ANKRD30BL: variants seen among roughly 807,000 people sequenced by gnomAD.
ANKRD30BL encodes the protein putative ankyrin repeat domain-containing protein 30B-like.
ANKRD30BL carries 20 observed loss-of-function variants against 18.4 expected under a neutral mutation model. That is an observed-to-expected ratio of 1.09 (90% CI 0.77 to 1.58). ANKRD30BL has a LOEUF of 1.58. Among genes scored for constraint, ANKRD30BL ranks in the 40% most tolerant of loss-of-function variants. The probability of loss-of-function intolerance (pLI) is 0.00; values close to 1 mark genes in which losing one functional copy is unlikely to be tolerated. For missense variants in ANKRD30BL, 224 were observed against 268.6 expected (o/e 0.83, Z 1.16); for synonymous variants, 72 against 100.9 (o/e 0.71, Z 1.72).
At position 132,222,763 on chromosome 2, in the gene ANKRD30BL, C is replaced by T. The variant is rs1314742753; in HGVS notation, n.441+34766G>A. On this transcript the variant is annotated intron_variant and non_coding_transcript_variant, in intron 1 of 4. Coordinates refer to the ANKRD30BL transcript ENST00000470729. ...CTTTGTTCACTTGTTTATCTGCTGACCTTCCCTCCACTATTGTCCTATGAC... is the reference window on the plus strand; with the variant it reads ...CTTTGTTCACTTGTTTATCTGCTGATCTTCCCTCCACTATTGTCCTATGAC... Among the ~76,000 whole-genome samples, 5 of 147,068 alleles carry T rather than the reference C, an allele frequency of 3.4e-5. No individual in the cohort carries two copies. In the East Asian group the frequency reaches 6.2e-4, roughly 18 times the overall value.
chr2:132,244,871 T>C (rs936750584), intron 1 of ANKRD30BL, among the ~76,000 whole-genome samples: 1 of 152,294 alleles, frequency 6.6e-6, no homozygotes, highest in Admixed American at 6.5e-5. Context: ...ACTCTTTTTG[T>C]AGTATCTGCA....
intron 1 of ANKRD30BL, among the ~76,000 whole-genome samples, chr2:132,256,699 C>T (rs993205000): frequency 1.3e-5 from 2 of 152,244 alleles, no homozygotes; most frequent in African/African-American, 2.4e-5. Context: ...CCAAACCCTC[C>T]GGGTGTCCAC....
chr2:132,233,859 C>T (rs1266968414), intron 1 of ANKRD30BL, among the ~76,000 whole-genome samples: 1 of 151,788 alleles, frequency 6.6e-6, no homozygotes, highest in East Asian at 1.9e-4. Flanking sequence ...ACAGAACTCT[C>T]CACCCCAAAT....
At chr2:132,185,099 A>G (rs1688540832) in intron 1 of ANKRD30BL, among the ~76,000 whole-genome samples, 1 of 152,244 alleles carries the variant, frequency 6.6e-6, no homozygotes, top group African/African-American at 2.4e-5. Context: ...GGCGTGAGCC[A>G]CTGCACCTGG....
At chr2:132,221,736 T>G (rs1399088044) in intron 1 of ANKRD30BL, among the ~76,000 whole-genome samples, 7 of 70,486 alleles carry the variant, frequency 9.9e-5, no homozygotes, top group African/African-American at 1.6e-4. Flanking sequence ...GTCCGGGAGG[T>G]GAGGGGCGCC....
intron 1 of ANKRD30BL, 50 bp downstream of exon 1, chr2:132,161,438 C>A: frequency 7.1e-7 from 1 of 1,412,736 alleles, no homozygotes; most frequent in South Asian, 1.2e-5. Flanking sequence ...GGCGATCCTC[C>A]CACAGCCTCC....
chr2:132,216,592 A>C (rs1167878428), intron 1 of ANKRD30BL, among the ~76,000 whole-genome samples: 1 of 152,162 alleles, frequency 6.6e-6, no homozygotes, highest in East Asian at 1.9e-4. Flanking sequence ...CATCTCACAG[A>C]GTTGAACATT....
intron 1 of ANKRD30BL, among the ~76,000 whole-genome samples, chr2:132,183,693 G>A (rs1028510526): frequency 4.6e-5 from 7 of 151,960 alleles, no homozygotes; most frequent in East Asian, 3.9e-4. Flanking sequence ...ATGTGTGTGT[G>A]TATATATGTG....
chr2:132,231,481 C>A (rs563802258), intron 1 of ANKRD30BL, among the ~76,000 whole-genome samples: 1 of 152,194 alleles, frequency 6.6e-6, no homozygotes, highest in Non-Finnish European at 1.5e-5. Flanking sequence ...AGTGGGTGCA[C>A]GCACCGTGCA....
At chr2:132,231,995 G>A (rs1436928944) in intron 1 of ANKRD30BL, among the ~76,000 whole-genome samples, 27 of 152,226 alleles carry the variant, frequency 1.8e-4, no homozygotes, top group Non-Finnish European at 7.3e-5. Context: ...TCTGAGAACT[G>A]GCAGACTGCC....
At chr2:132,174,253 C>T (rs970066247) in intron 1 of ANKRD30BL, among the ~76,000 whole-genome samples, 4 of 152,200 alleles carry the variant, frequency 2.6e-5, no homozygotes, top group African/African-American at 9.6e-5. Context: ...GACCCTGGAA[C>T]AAACTTAGAA....
chr2:132,186,522 G>T (rs1688562780), intron 1 of ANKRD30BL, among the ~76,000 whole-genome samples: 1 of 152,288 alleles, frequency 6.6e-6, no homozygotes, highest in Non-Finnish European at 1.5e-5. Context: ...TGGCACATAA[G>T]GAAAGCTTAA....
chr2:132,232,895 A>T, intron 1 of ANKRD30BL, among the ~76,000 whole-genome samples: 1 of 152,082 alleles, frequency 6.6e-6, no homozygotes, highest in Non-Finnish European at 1.5e-5. Context: ...AGATTCATCA[A>T]AGTTGAAATG....
At chr2:132,153,712 T>C in intron 4 of ANKRD30BL, 1 of 1,186,806 alleles carries the variant, frequency 8.4e-7, no homozygotes, top group Non-Finnish European at 1.2e-6. Context: ...AACAAAGAGA[T>C]AACTTCATTA....
At chr2:132,244,594 T>G (rs796892326) in intron 1 of ANKRD30BL, among the ~76,000 whole-genome samples, 2 of 152,272 alleles carry the variant, frequency 1.3e-5, no homozygotes, top group East Asian at 3.8e-4. Flanking sequence ...TATCTTCCCA[T>G]AATAACTAGA....
At chr2:132,249,471 A>G (rs964697143) in intron 1 of ANKRD30BL, among the ~76,000 whole-genome samples, 20 of 152,222 alleles carry the variant, frequency 1.3e-4, no homozygotes, top group African/African-American at 4.8e-4. Flanking sequence ...ATGTGAAGAC[A>G]TTTCCTTTTT....
At chr2:132,252,518 C>T (rs1353553491) in intron 1 of ANKRD30BL, among the ~76,000 whole-genome samples, 6 of 109,018 alleles carry the variant, frequency 5.5e-5, no homozygotes, top group South Asian at 3.5e-4. Context: ...CCAGACACAC[C>T]GTGACGTGCC....
chr2:132,255,739 G>A (rs529002458), intron 1 of ANKRD30BL, among the ~76,000 whole-genome samples: 42 of 152,266 alleles, frequency 2.8e-4, no homozygotes, highest in African/African-American at 9.4e-4. Flanking sequence ...CTTGAATGTG[G>A]TAGCCATTTC....
At chr2:132,194,543 C>T (rs1157894843) in intron 1 of ANKRD30BL, among the ~76,000 whole-genome samples, 1 of 152,108 alleles carries the variant, frequency 6.6e-6, no homozygotes, top group Non-Finnish European at 1.5e-5. Flanking sequence ...TTTAAGGAGT[C>T]CACAGTGACC....
Sources: gnomAD v4.1 joint callset for allele counts (sites outside exome capture counted in the v4.1 genomes callset) on GRCh38, gnomAD v4.1.1 for gene constraint, MANE v1.5 for transcripts, NCBI Gene and HGNC (gene_info 2026-07-23, HGNC 2026-07-21) for gene names.